The following KIAA1217 variants were observed in gnomAD, a reference collection of about 807,000 sequenced individuals.
KIAA1217 encodes the protein sickle tail protein homolog.
In KIAA1217, 88 loss-of-function variants were observed where a neutral mutation model predicts 163.9. That is an observed-to-expected ratio of 0.54 (90% confidence interval 0.45 to 0.64). The LOEUF (loss-of-function observed/expected upper bound fraction) is 0.64. Among genes scored for constraint, KIAA1217 ranks in the 30% least tolerant of loss-of-function variants. The pLI, the probability that KIAA1217 is intolerant of heterozygous loss-of-function variation, is 0.00. For synonymous variants in KIAA1217, 903 were observed against 923.1 expected (o/e 0.98, Z 0.39); for missense variants, 2,372 against 2,475.0 (o/e 0.96, Z 0.88).
At chr10:24,368,813 T>C (rs2051152143) in intron 2 of KIAA1217, 1 of 981,086 alleles carries the variant, frequency 1.0e-6, no homozygotes, top group South Asian at 4.7e-5. Flanking sequence ...CCATCTAGAA[T>C]CACCCTACTG....
intron 1 of KIAA1217, among the ~76,000 whole-genome samples, chr10:23,976,386 T>C (rs1845542596): frequency 1.3e-5 from 2 of 152,204 alleles, no homozygotes; most frequent in Non-Finnish European, 2.9e-5. Flanking sequence ...TCAAATAAAC[T>C]GCAACTGTTA....
chr10:24,228,573 C>G (rs1014623041), intron 2 of KIAA1217, among the ~76,000 whole-genome samples: 1 of 152,164 alleles, frequency 6.6e-6, no homozygotes, highest in East Asian at 1.9e-4. Context: ...CATCTCAACA[C>G]ATGGATTCCA....
At chr10:24,150,385 G>A (rs1006964641) in intron 2 of KIAA1217, among the ~76,000 whole-genome samples, 32 of 152,260 alleles carry the variant, frequency 2.1e-4, no homozygotes, top group African/African-American at 6.7e-4. Context: ...TTGAGAATCC[G>A]TTTAAGAGAA....
chr10:23,879,956 G>A (rs10828563), intron 1 of KIAA1217, among the ~76,000 whole-genome samples: 28,113 of 151,646 alleles, frequency 0.19, 2,702 homozygotes, highest in Middle Eastern at 0.22. Flanking sequence ...AGGAAGGAAG[G>A]TTTGATTACA....
intron 3 of KIAA1217, among the ~76,000 whole-genome samples, chr10:24,405,380 T>A (rs1390057129): frequency 1.3e-5 from 2 of 152,120 alleles, no homozygotes; most frequent in Non-Finnish European, 2.9e-5. Flanking sequence ...GAAGTAATGG[T>A]GAGAAAATAA....
At chr10:24,371,049 A>G (rs950242744) in intron 2 of KIAA1217, among the ~76,000 whole-genome samples, 2 of 152,254 alleles carry the variant, frequency 1.3e-5, no homozygotes, top group African/African-American at 4.8e-5. Flanking sequence ...AATGGAGATC[A>G]TAGTTGAGCT....
chr10:24,497,958 C>T (rs1437339624), intron 8 of KIAA1217, among the ~76,000 whole-genome samples: 1 of 152,132 alleles, frequency 6.6e-6, no homozygotes. Flanking sequence ...CCAAAAACTA[C>T]TTGTTCCTCA....
intron 3 of KIAA1217, among the ~76,000 whole-genome samples, chr10:24,424,960 G>A (rs2059064990): frequency 1.3e-5 from 2 of 152,162 alleles, no homozygotes; most frequent in Non-Finnish European, 2.9e-5. Flanking sequence ...ATGCTACTGT[G>A]TTAACTGTAC....
At chr10:24,411,781 C>A (rs114631240) in intron 3 of KIAA1217, among the ~76,000 whole-genome samples, 5,009 of 151,216 alleles carry the variant, frequency 0.033, 122 homozygotes, top group African/African-American at 0.077. Flanking sequence ...TTTTTTCATT[C>A]GTGTCATGGC....
chr10:24,260,109 T>C (rs1397302248), intron 2 of KIAA1217, among the ~76,000 whole-genome samples: 3 of 152,202 alleles, frequency 2.0e-5, no homozygotes, highest in Non-Finnish European at 2.9e-5. Context: ...TGGGAGGGCC[T>C]AAATTAGGAA....
chr10:24,449,109 G>A (rs753350220), intron 5 of KIAA1217, among the ~76,000 whole-genome samples: 8 of 152,140 alleles, frequency 5.3e-5, no homozygotes, highest in Non-Finnish European at 8.8e-5. Context: ...TGATAAGGAA[G>A]GACTCTTACA....
intron 5 of KIAA1217, among the ~76,000 whole-genome samples, chr10:24,456,333 A>T (rs1162367869): frequency 1.3e-5 from 2 of 152,226 alleles, no homozygotes; most frequent in Admixed American, 6.5e-5. Context: ...GAATACATTC[A>T]AGTGAGTATT....
At chr10:23,851,866 T>C (rs1224488749) in intron 1 of KIAA1217, among the ~76,000 whole-genome samples, 6 of 152,006 alleles carry the variant, frequency 3.9e-5, no homozygotes, top group East Asian at 1.9e-4. Flanking sequence ...GGTTGTTTGT[T>C]TTTTTCTTGT....
At chr10:24,365,627 A>C (rs552455841) in intron 2 of KIAA1217, among the ~76,000 whole-genome samples, 31 of 152,196 alleles carry the variant, frequency 2.0e-4, no homozygotes, top group Non-Finnish European at 3.8e-4. Context: ...GGCTTTTATG[A>C]GGTCACTTTA....
At chr10:23,838,469 T>C (rs542250992) in intron 1 of KIAA1217, among the ~76,000 whole-genome samples, 61 of 152,114 alleles carry the variant, frequency 4.0e-4, no homozygotes, top group African/African-American at 1.4e-3. Context: ...TCCTGTTTTT[T>C]TTTTCTTTTT....
intron 6 of KIAA1217, 111 bp downstream of exon 6, chr10:24,474,171 G>A: frequency 2.6e-6 from 2 of 773,892 alleles, no homozygotes; most frequent in South Asian, 1.8e-5. Flanking sequence ...CATCTCTGCA[G>A]CATGTCCTGT....
At chr10:24,499,033 C>CAGAAGGTAG (rs934463196) in intron 8 of KIAA1217, among the ~76,000 whole-genome samples, 5 of 152,154 alleles carry the variant, frequency 3.3e-5, no homozygotes, top group African/African-American at 1.2e-4. Flanking sequence ...TAGTAGCAAA[C>CAGAAGGTAG]AGAAGGTAGC....
intron 1 of KIAA1217, among the ~76,000 whole-genome samples, chr10:23,727,186 T>A (rs1190369641): frequency 1.3e-5 from 2 of 150,760 alleles, no homozygotes; most frequent in African/African-American, 4.9e-5. Context: ...AGAGACAGGG[T>A]TTCACCATGT....
chr10:24,501,772 G>A (rs1224720816), intron 9 of KIAA1217, among the ~76,000 whole-genome samples: 3 of 69,488 alleles, frequency 4.3e-5, no homozygotes, highest in African/African-American at 1.5e-4. Context: ...TTTTTGAGAC[G>A]TAGTCTCGCT....
Sources: gnomAD v4.1 joint callset for allele counts (sites outside exome capture counted in the v4.1 genomes callset) on GRCh38, gnomAD v4.1.1 for gene constraint, MANE v1.5 for transcripts, NCBI Gene and HGNC (gene_info 2026-07-23, HGNC 2026-07-21) for gene names.